Variants in FASTKD2 observed in about 807,000 individuals in gnomAD.
FASTKD2 encodes the protein FAST kinase domains 2.
Under a neutral mutation model 63.6 loss-of-function variants are expected in FASTKD2, and 51 were observed. That is an observed-to-expected ratio of 0.80 (90% CI 0.64 to 1.01). The LOEUF is 1.01. FASTKD2 is among the 50% of genes least tolerant of loss of function. The pLI is 0.00. For missense variants in FASTKD2, 786 were observed against 831.1 expected (o/e 0.95, Z 0.67); for synonymous variants, 284 against 293.4 (o/e 0.97, Z 0.33).
chr2:206,784,563 TC>T (rs1329067451), intron 7 of FASTKD2, among the ~76,000 whole-genome samples: 2 of 152,208 alleles, frequency 1.3e-5, no homozygotes, highest in African/African-American at 2.4e-5. Context: ...TCCTTTGGTT[TC>T]TTCTCTTCTT....
rs1424338780 is a variant in FASTKD2 at position 206,788,957 on chromosome 2, A to G, written c.1898+54A>G. 4 of 925,614 alleles carry G rather than the reference A, an allele frequency of 4.3e-6. No homozygotes were observed. The South Asian group carries it at 5.2e-5, about 12-fold the overall frequency. 57.3% of individuals were successfully genotyped at this position (925,614 alleles called of 1,614,324 possible). ...CTTTCTGAATTAAAATCCTAATTCT[A>G]AAAGACTTCATATTAAATAGCAGTA... On this transcript the variant is annotated intron_variant, in intron 10 of 11. Coordinates refer to ENST00000402774, the MANE Select transcript of FASTKD2 (RefSeq NM_001136193.2).
chr2:206,789,290 C>T (rs1305586793), intron 10 of FASTKD2: 1 of 179,678 alleles, frequency 5.6e-6, no homozygotes, highest in Non-Finnish European at 1.2e-5. Flanking sequence ...AAATATTTTG[C>T]TCTACCACCA....
intron 10 of FASTKD2, chr2:206,789,495 A>G (rs796190382): frequency 2.5e-4 from 38 of 153,044 alleles, no homozygotes; most frequent in African/African-American, 8.7e-4. Context: ...TCATGCCATC[A>G]TTGCACACAC....
chr2:206,778,017 C>T (rs954286369), intron 7 of FASTKD2, among the ~76,000 whole-genome samples: 3 of 151,512 alleles, frequency 2.0e-5, no homozygotes, highest in African/African-American at 7.3e-5. Flanking sequence ...ATGTCTTGTT[C>T]GTCTCTTATT....
chr2:206,780,575 A>G (rs909039010), intron 7 of FASTKD2, among the ~76,000 whole-genome samples: 42 of 152,154 alleles, frequency 2.8e-4, no homozygotes, highest in African/African-American at 9.2e-4. Context: ...TTTGATTACA[A>G]TGTATCTTAA....
At chr2:206,783,460 A>T (rs1047077816) in intron 7 of FASTKD2, among the ~76,000 whole-genome samples, 5 of 151,898 alleles carry the variant, frequency 3.3e-5, no homozygotes, top group African/African-American at 1.2e-4. Context: ...ATATCTCCCA[A>T]ATTCAATCTT....
Position 206,790,604 on chromosome 2 carries a change from A to C in FASTKD2, c.1931A>C (p.Tyr644Ser), listed in dbSNP as rs1186166784. 6.2e-7 allele frequency: 1 copy of C among 1,612,288 alleles called. No individual in the cohort carries two copies. Among genetic ancestry groups the C allele is most frequent in the Non-Finnish European group, 8.5e-7 (1 of 1,178,550 alleles). Residue 644 changes from tyrosine to serine, a missense_variant, in exon 11 of 12, where the codon TAT (tyrosine) becomes TCT (serine). By Grantham distance (144) the Tyr-to-Ser change is moderately radical. Coordinates refer to ENST00000402774, the MANE Select transcript of FASTKD2 (RefSeq NM_001136193.2). ...VAVLCVSRSA[Y>S]CLGSSHPRGF... ...GTGCTATGTGTTTCCAGATCTGCTT[A>C]TTGTTTGGGTTCAAGCCACCCCAGA...
chr2:206,781,224 A>G (rs1047916361), intron 7 of FASTKD2, among the ~76,000 whole-genome samples: 1 of 151,744 alleles, frequency 6.6e-6, no homozygotes, highest in Non-Finnish European at 1.5e-5. Flanking sequence ...CCCTGTTTTT[A>G]CAGACTGGCT....
At chr2:206,786,595 T>C in intron 7 of FASTKD2, 138 bp from the exon 8 acceptor site, 7 of 787,936 alleles carry the variant, frequency 8.9e-6, no homozygotes, top group South Asian at 1.4e-5. Flanking sequence ...TATACACTTA[T>C]TATGAGATAA....
chr2:206,765,914 C>T (rs927413882), intron 1 of FASTKD2, among the ~76,000 whole-genome samples, 167 bp downstream of exon 1: 3 of 152,036 alleles, frequency 2.0e-5, no homozygotes, highest in Non-Finnish European at 2.9e-5. Flanking sequence ...TCCACTGAGC[C>T]GTTCTACCTG....
Position 206,770,125 on chromosome 2 carries a change from C to G in FASTKD2, c.812C>G (p.Ser271Ter), listed in dbSNP as rs1160429860. The change falls in exon 3 of 12, where the codon TCA becomes TGA. Residue 271 changes from serine to a stop codon, truncating the protein, a stop_gained. Coordinates refer to ENST00000402774, the MANE Select transcript of FASTKD2 (RefSeq NM_001136193.2). LOFTEE classifies it high-confidence loss of function. ...AATGAGTGTGATGAGATATGCCTTT[C>G]AGTTTTGTCAACTGTTTTAGAGGCA... ...RINECDEICL[S>*]VLSTVLEAME... 1.2e-6 allele frequency: 2 copies of G among 1,611,192 alleles called. No homozygotes were observed. The highest frequency in any genetic ancestry group is 4.5e-5 in the East Asian group (2 of 44,848).
At chr2:206,775,231 T>C (rs978619208) in intron 7 of FASTKD2, among the ~76,000 whole-genome samples, 14 of 152,170 alleles carry the variant, frequency 9.2e-5, no homozygotes, top group Non-Finnish European at 1.8e-4. Flanking sequence ...TCTTTGAGAT[T>C]CTCATTTCAA....
At chr2:206,770,054 C>T (rs773279891) in intron 2 of FASTKD2, 37 bp from the exon 3 acceptor site, 5 of 1,297,820 alleles carry the variant, frequency 3.9e-6, no homozygotes, top group Non-Finnish European at 5.6e-6. Flanking sequence ...ACTATGGGCT[C>T]ATCACCTGTA....
In FASTKD2 at chr2:206,794,647, A is replaced by T. The variant is rs1361857460; in HGVS notation, c.*2845A>T. On this transcript the variant is annotated 3_prime_UTR_variant, in exon 12 of 12. Transcript: ENST00000402774. ...GCTGATTAAACAGTTTAGAACTTTT[A>T]AAAAACATTCAAAAATTGAAAATTT... 6.6e-6 allele frequency among the ~76,000 whole-genome samples: 1 copy of T among 152,250 alleles called. No homozygotes were observed. The highest frequency in any genetic ancestry group is 2.4e-5 in the African/African-American group (1 of 41,474).
At chr2:206,771,527 A>G (rs1689681692) in intron 4 of FASTKD2, among the ~76,000 whole-genome samples, 1 of 151,896 alleles carries the variant, frequency 6.6e-6, no homozygotes, top group Non-Finnish European at 1.5e-5. Flanking sequence ...TTAAAAATAA[A>G]TGTTTAGGCC....
chr2:206,791,888 T>G lies in FASTKD2; in HGVS notation c.*86T>G. 1 of 1,286,814 alleles carries G rather than the reference T, an allele frequency of 7.8e-7. No individual in the cohort carries two copies. The highest frequency in any genetic ancestry group is 1.5e-5 in the African/African-American group (1 of 68,328). The allele number at this position is 1,286,814 out of a possible 1,614,324, so 79.7% of individuals were successfully genotyped here. A position where few individuals can be genotyped will look rare whatever the true frequency, so the allele number is the denominator to read the frequency against. The stretch of plus-strand genomic sequence containing the variant: ...AAGTCAGTTGTCAATGGAATTGAGC[T>G]ATCTGCTAAGACAAAAAATGTTACC... On this transcript the variant is annotated 3_prime_UTR_variant, in exon 12 of 12. Transcript: ENST00000402774.
At chr2:206,769,409 G>C (rs1412283650) in intron 2 of FASTKD2, among the ~76,000 whole-genome samples, 1 of 152,172 alleles carries the variant, frequency 6.6e-6, no homozygotes, top group Admixed American at 6.5e-5. Flanking sequence ...GAGGTTTATA[G>C]ACTAGTGATT....
chr2:206,781,124 G>A (rs934620196), intron 7 of FASTKD2, among the ~76,000 whole-genome samples: 7 of 151,722 alleles, frequency 4.6e-5, no homozygotes, highest in African/African-American at 1.7e-4. Flanking sequence ...CATTTATTTT[G>A]GTACTTTGAT....
At chr2:206,773,142 C>T (rs2105975157) in intron 6 of FASTKD2, among the ~76,000 whole-genome samples, 1 of 151,968 alleles carries the variant, frequency 6.6e-6, no homozygotes, top group African/African-American at 2.4e-5. Context: ...TGGTGAAACC[C>T]CATCTCTACT....
Sources: gnomAD v4.1 joint callset for allele counts (sites outside exome capture counted in the v4.1 genomes callset) on GRCh38, gnomAD v4.1.1 for gene constraint, MANE v1.5 for transcripts, NCBI Gene and HGNC (gene_info 2026-07-23, HGNC 2026-07-21) for gene names.